ADGRL2: variants seen among roughly 807,000 people sequenced by gnomAD.
The protein encoded by ADGRL2 is calcium-independent alpha-latrotoxin receptor 2.
In ADGRL2, 44 loss-of-function variants were observed where a neutral mutation model predicts 157.4. The ratio of observed to expected loss-of-function variants is 0.28; its 90% CI spans 0.22 to 0.36. The LOEUF is 0.36. ADGRL2 is among the 10% of genes least tolerant of loss of function. ADGRL2 has a pLI of 1.00. For missense variants in ADGRL2, 1,510 were observed against 1,768.9 expected (o/e 0.85, Z 2.63); for synonymous variants, 585 against 624.7 (o/e 0.94, Z 0.95).
chr1:81,311,821 G>A (rs889458341), intron 1 of ADGRL2, among the ~76,000 whole-genome samples: 7 of 152,140 alleles, frequency 4.6e-5, no homozygotes, highest in Admixed American at 3.9e-4. Context: ...GTTAAAAGGA[G>A]AGGCAACTGG....
chr1:81,626,072 A>C (rs910584178), intron 3 of ADGRL2, among the ~76,000 whole-genome samples: 1 of 152,186 alleles, frequency 6.6e-6, no homozygotes, highest in East Asian at 1.9e-4. Context: ...AAATTGTGTT[A>C]GGCTGCAGGA....
chr1:81,357,924 A>G (rs1663431813), intron 1 of ADGRL2, among the ~76,000 whole-genome samples: 1 of 152,222 alleles, frequency 6.6e-6, no homozygotes, highest in Non-Finnish European at 1.5e-5. Flanking sequence ...GAATGCTGTT[A>G]TGGAAATCAA....
intron 2 of ADGRL2, among the ~76,000 whole-genome samples, chr1:81,505,420 A>T (rs2078951654): frequency 6.6e-6 from 1 of 150,700 alleles, no homozygotes; most frequent in Non-Finnish European, 1.5e-5. Context: ...CACCCAGAGG[A>T]TGCAGGGAAA....
At chr1:81,982,444 A>G (rs1337278515) in intron 19 of ADGRL2, among the ~76,000 whole-genome samples, 3 of 151,936 alleles carry the variant, frequency 2.0e-5, no homozygotes, top group African/African-American at 7.2e-5. Flanking sequence ...AGTACCTTAC[A>G]TCTTACTTAC....
At chr1:81,556,671 G>A (rs948844858) in intron 2 of ADGRL2, among the ~76,000 whole-genome samples, 2 of 151,652 alleles carry the variant, frequency 1.3e-5, no homozygotes, top group Non-Finnish European at 2.9e-5. Context: ...ATTTTATAAA[G>A]TACTCAAGAA....
At chr1:81,694,489 T>A (rs1030612385) in intron 3 of ADGRL2, among the ~76,000 whole-genome samples, 4 of 151,932 alleles carry the variant, frequency 2.6e-5, no homozygotes, top group Admixed American at 6.6e-5. Flanking sequence ...CATAATCTAG[T>A]ATAAGCCCGT....
chr1:81,802,945 C>T (rs947655844), intron 1 of ADGRL2, among the ~76,000 whole-genome samples: 2 of 152,084 alleles, frequency 1.3e-5, no homozygotes, highest in Admixed American at 1.3e-4. Flanking sequence ...GCTGCTGCTG[C>T]CAGGGCGGCC....
At chr1:81,455,546 C>T (rs1396322299) in intron 2 of ADGRL2, among the ~76,000 whole-genome samples, 4 of 152,176 alleles carry the variant, frequency 2.6e-5, no homozygotes, top group Non-Finnish European at 4.4e-5. Flanking sequence ...TGTTTTTCAG[C>T]ACAGAGGTGT....
intron 1 of ADGRL2, among the ~76,000 whole-genome samples, chr1:81,727,525 C>T (rs1009331504): frequency 3.3e-5 from 5 of 152,052 alleles, no homozygotes; most frequent in African/African-American, 9.7e-5. Flanking sequence ...CTCTGACTCC[C>T]TGGTTCAAGC....
chr1:81,928,826 C>G (rs1024291313), intron 3 of ADGRL2, among the ~76,000 whole-genome samples: 2 of 151,612 alleles, frequency 1.3e-5, no homozygotes, highest in Non-Finnish European at 2.9e-5. Flanking sequence ...TACATGATAC[C>G]TTGGTACCTT....
intron 2 of ADGRL2, among the ~76,000 whole-genome samples, chr1:81,764,189 CAA>C (rs34716755): frequency 2.9e-4 from 29 of 101,478 alleles, no homozygotes; most frequent in Admixed American, 4.3e-4. Context: ...GAGACTCTGT[CAA>C]AAAAAAAAAA....
chr1:81,653,156 T>C (rs2082456297), intron 3 of ADGRL2, among the ~76,000 whole-genome samples: 2 of 152,074 alleles, frequency 1.3e-5, no homozygotes, highest in Admixed American at 1.3e-4. Flanking sequence ...AGTAGTAGGG[T>C]ATTTTTCATC....
intron 1 of ADGRL2, among the ~76,000 whole-genome samples, chr1:81,442,200 A>T (rs1294866599): frequency 6.6e-6 from 1 of 152,208 alleles, no homozygotes; most frequent in Non-Finnish European, 1.5e-5. Context: ...TCAAATATAA[A>T]GTCCTTTTAA....
At chr1:81,614,908 G>A (rs2081611884) in intron 3 of ADGRL2, among the ~76,000 whole-genome samples, 1 of 151,936 alleles carries the variant, frequency 6.6e-6, no homozygotes, top group Admixed American at 6.6e-5. Flanking sequence ...AGCTATTCAG[G>A]AGGCTGAAGC....
chr1:81,490,378 G>A (rs553370400), intron 2 of ADGRL2, among the ~76,000 whole-genome samples: 8 of 151,966 alleles, frequency 5.3e-5, no homozygotes, highest in Non-Finnish European at 1.0e-4. Flanking sequence ...GTGATCCACC[G>A]GCCCTGGCCT....
Position 81,716,363 on chromosome 1 carries a change from G to A in ADGRL2, c.-143+16555G>A, listed in dbSNP as rs180722889. Among the ~76,000 whole-genome samples, 18 of 152,174 alleles carry A rather than the reference G, an allele frequency of 1.2e-4. No homozygotes were observed. The East Asian group carries it at 1.3e-3, about 11-fold the overall frequency. On this transcript the variant is annotated intron_variant, in intron 1 of 20. Transcript: ENST00000359929. The stretch of plus-strand genomic sequence containing the variant: ...ATGGTTACAATAATACTTACTCCCC[G>A]GTGTTATTCTGAGTACTAAATGAGT...
At chr1:81,967,336 A>T (rs1224825416) in intron 13 of ADGRL2, among the ~76,000 whole-genome samples, 1 of 149,272 alleles carries the variant, frequency 6.7e-6, no homozygotes, top group African/African-American at 2.5e-5. Flanking sequence ...ATCTCGGCTC[A>T]CTGCCAGCTC....
At position 81,979,911 on chromosome 1, in the gene ADGRL2, A is replaced by G; in HGVS notation, c.3064A>G (p.Lys1022Glu). 9 of 1,608,720 alleles carry G rather than the reference A, an allele frequency of 5.6e-6. No individual in the cohort carries two copies. Among genetic ancestry groups the G allele is most frequent in the Non-Finnish European group, 7.7e-6 (9 of 1,176,102 alleles). Residue 1022 changes from lysine (K) to glutamate (E), a missense_variant, in exon 18 of 24, where the codon AAG (lysine) becomes GAG (glutamate). By Grantham distance (56) the Lys-to-Glu change is moderately conservative. Coordinates refer to ENST00000686636, the MANE Select transcript of ADGRL2 (RefSeq NM_001366006.2). ...FLVITLCKMV[K>E]HSNTLKPDSS... ...GGTGATCACATTGTGCAAAATGGTG[A>G]AGCATTCAAACACTTTGAAACCAGA...
In ADGRL2 at chr1:81,476,338, T is replaced by C. The variant is rs181381401; in HGVS notation, c.-248+31249T>C. Among the ~76,000 whole-genome samples the C allele has an allele frequency of 2.5e-3, 375 of 152,240 alleles. 1 individual carries two copies. Among genetic ancestry groups the C allele is most frequent in the African/African-American group, 8.8e-3 (366 of 41,562 alleles). ...ATTGGTGAGGTAGTCTAAGTAAAGCTGCAAAAATATCTAAGTAAAGCAGCA... is the reference window on the plus strand; with the variant it reads ...ATTGGTGAGGTAGTCTAAGTAAAGCCGCAAAAATATCTAAGTAAAGCAGCA... On this transcript the variant is annotated intron_variant, in intron 2 of 24. Transcript: ENST00000370721.
Sources: allele counts gnomAD v4.1 joint callset (sites outside exome capture counted in the v4.1 genomes callset), GRCh38; gene constraint gnomAD v4.1.1; transcripts MANE v1.5; gene names NCBI Gene and HGNC (gene_info 2026-07-23, HGNC 2026-07-21).